The following SMAD3 variants were observed in gnomAD, a reference collection of about 807,000 sequenced individuals.
SMAD3 encodes the protein MAD homolog 3.
Under a neutral mutation model 51.8 loss-of-function variants are expected in SMAD3, and 12 were observed. The ratio of observed to expected loss-of-function variants is 0.23; its 90% CI spans 0.15 to 0.38. SMAD3 has a LOEUF of 0.38. SMAD3 is among the 10% of genes least tolerant of loss of function. The pLI is 1.00. For synonymous variants in SMAD3, 238 were observed against 227.7 expected, an observed-to-expected ratio of 1.05 and a Z score of -0.41; for missense variants, 294 against 565.6, an observed-to-expected ratio of 0.52 and a Z score of 4.87.
In SMAD3 at chr15:67,132,339, C is replaced by A. The variant is rs537732129; in HGVS notation, c.207-32556C>A. On this transcript the variant is annotated intron_variant, in intron 1 of 8. Transcript: ENST00000327367. ...GAGAAGGACAACCTCACTGTTTTGC[C>A]CATTTCTGAGATGGAAAATCAAGGA... Among the ~76,000 whole-genome samples, 6 of 152,288 alleles carry A rather than the reference C, an allele frequency of 3.9e-5. No homozygotes were observed. The East Asian group carries it at 7.7e-4, about 20-fold the overall frequency.
At chr15:67,168,268 C>T (rs115966267) in intron 4 of SMAD3, among the ~76,000 whole-genome samples, 5 of 152,282 alleles carry the variant, frequency 3.3e-5, no homozygotes, top group African/African-American at 7.2e-5. Flanking sequence ...CCTGAGAGAC[C>T]GAAAGAGACT....
chr15:67,153,721 C>CGTAG (rs1962209280), intron 1 of SMAD3, among the ~76,000 whole-genome samples: 1 of 152,174 alleles, frequency 6.6e-6, no homozygotes, highest in African/African-American at 2.4e-5. Context: ...TCTGTCTCTA[C>CGTAG]ACAGGACAGC....
At chr15:67,116,957 A>G (rs929736588) in intron 1 of SMAD3, among the ~76,000 whole-genome samples, 3 of 152,192 alleles carry the variant, frequency 2.0e-5, no homozygotes, top group African/African-American at 7.2e-5. Context: ...GTTGTCAACT[A>G]CTTGGAAATC....
intron 1 of SMAD3, among the ~76,000 whole-genome samples, chr15:67,085,878 A>G (rs1960379063): frequency 1.2e-5 from 1 of 84,060 alleles, no homozygotes; most frequent in Non-Finnish European, 2.6e-5. Flanking sequence ...GCACACACAC[A>G]CACACACACA....
chr15:67,160,599 G>A (rs992987286), intron 1 of SMAD3, among the ~76,000 whole-genome samples: 1 of 151,826 alleles, frequency 6.6e-6, no homozygotes. Context: ...ATGAAACCCC[G>A]TCTCTACTAA....
At chr15:67,094,639 A>G (rs1003057984) in intron 1 of SMAD3, among the ~76,000 whole-genome samples, 12 of 152,344 alleles carry the variant, frequency 7.9e-5, no homozygotes, top group Non-Finnish European at 1.3e-4. Context: ...CGAGCTGAAG[A>G]TCATAATTAT....
At chr15:67,078,008 T>C (rs1960207301) in intron 1 of SMAD3, 1 of 152,296 alleles carries the variant, frequency 6.6e-6, no homozygotes, top group African/African-American at 2.4e-5. Flanking sequence ...ACCCAGTGGC[T>C]GTTAACAGCA....
At chr15:67,103,061 A>G (rs1223651165) in intron 1 of SMAD3, among the ~76,000 whole-genome samples, 2 of 152,016 alleles carry the variant, frequency 1.3e-5, no homozygotes, top group Non-Finnish European at 2.9e-5. Context: ...CTCAGTACAC[A>G]TTTTTGAATG....
intron 1 of SMAD3, among the ~76,000 whole-genome samples, chr15:67,071,704 C>T (rs559878475): frequency 2.6e-5 from 4 of 152,160 alleles, no homozygotes; most frequent in South Asian, 2.1e-4. Flanking sequence ...CCCAGCTACT[C>T]GGGAGGCTGA....
intron 1 of SMAD3, among the ~76,000 whole-genome samples, chr15:67,084,948 A>G (rs1455254719): frequency 1.3e-5 from 2 of 152,310 alleles, no homozygotes; most frequent in South Asian, 2.1e-4. Flanking sequence ...CTGCTGCTCA[A>G]CAGAGTGCCC....
intron 5 of SMAD3, among the ~76,000 whole-genome samples, chr15:67,172,075 C>T (rs527729550): frequency 2.0e-5 from 3 of 152,308 alleles, no homozygotes; most frequent in South Asian, 2.1e-4. Flanking sequence ...ATGCCGGACA[C>T]GGTGCTCCAG....
intron 1 of SMAD3, among the ~76,000 whole-genome samples, chr15:67,151,190 A>C (rs1168508815): frequency 6.6e-6 from 1 of 151,922 alleles, no homozygotes; most frequent in African/African-American, 2.4e-5. Flanking sequence ...TTCATATATT[A>C]GTGGAAGGCC....
chr15:67,174,834 C>T (rs1263977441), intron 5 of SMAD3, among the ~76,000 whole-genome samples: 3 of 152,246 alleles, frequency 2.0e-5, no homozygotes, highest in African/African-American at 7.2e-5. Context: ...TTTCTCCTTT[C>T]ATTTCCTCCC....
chr15:67,187,294 C>G (rs753187147), intron 7 of SMAD3, 71 bp from the exon 8 acceptor site: 1 of 1,594,106 alleles, frequency 6.3e-7, no homozygotes, highest in Admixed American at 1.7e-5. Context: ...CCAGGACTTG[C>G]TTTATCCAGG....
intron 1 of SMAD3, among the ~76,000 whole-genome samples, chr15:67,087,000 A>T (rs1436307688): frequency 6.6e-6 from 1 of 150,748 alleles, no homozygotes; most frequent in East Asian, 2.0e-4. Context: ...GGTTCAAGCG[A>T]TTCTCGTGCC....
chr15:67,140,502 G>C (rs573477042), intron 1 of SMAD3, among the ~76,000 whole-genome samples: 130 of 152,344 alleles, frequency 8.5e-4, no homozygotes, highest in African/African-American at 3.0e-3. Flanking sequence ...TCTCCAGGCT[G>C]AGAAACTATG....
At position 67,190,619 on chromosome 15, in the gene SMAD3, C is replaced by T; in HGVS notation, c.*83C>T. 7.0e-7 allele frequency: 1 copy of T among 1,420,258 alleles called. No individual in the cohort carries two copies. The highest frequency in any genetic ancestry group is 9.9e-7 in the Non-Finnish European group (1 of 1,011,518). 88.0% of individuals were successfully genotyped at this position (1,420,258 alleles called of 1,614,324 possible). On this transcript the variant is annotated 3_prime_UTR_variant, in exon 9 of 9. Transcript: ENST00000327367. The stretch of plus-strand genomic sequence containing the variant: ...GAGAAAATTGGAACTCTACTCAACC[C>T]ATTGTTGTCAAGGAAGAAGAAATCT...
chr15:67,168,750 G>A (rs1325925547), intron 4 of SMAD3, among the ~76,000 whole-genome samples: 1 of 152,138 alleles, frequency 6.6e-6, no homozygotes, highest in East Asian at 1.9e-4. Flanking sequence ...GTGAACATGA[G>A]TGATTTATCT....
At chr15:67,126,496 G>A (rs1050410462) in intron 1 of SMAD3, among the ~76,000 whole-genome samples, 2 of 152,174 alleles carry the variant, frequency 1.3e-5, no homozygotes, top group African/African-American at 4.8e-5. Context: ...GATTGTTACA[G>A]ATCTTCATGT....
Sources: gnomAD v4.1 joint callset for allele counts (sites outside exome capture counted in the v4.1 genomes callset) on GRCh38, gnomAD v4.1.1 for gene constraint, MANE v1.5 for transcripts, NCBI Gene and HGNC (gene_info 2026-07-23, HGNC 2026-07-21) for gene names.